RGL3: variants seen among roughly 807,000 people sequenced by gnomAD.
RGL3 encodes the protein ral guanine nucleotide dissociation stimulator-like 3.
Under a neutral mutation model 90.6 loss-of-function variants are expected in RGL3, and 85 were observed. The observed-to-expected ratio is 0.94, with a 90% CI of 0.79 to 1.12. RGL3 has a LOEUF of 1.12. Among genes scored for constraint, RGL3 ranks in the 50% most tolerant of loss-of-function variants. The pLI is 0.00. For missense variants in RGL3, 1,034 were observed against 939.2 expected (o/e 1.10, Z -1.32); for synonymous variants, 408 against 385.5 (o/e 1.06, Z -0.68).
intron 13 of RGL3, among the ~76,000 whole-genome samples, chr19:11,401,680 T>C (rs535803456): frequency 6.6e-6 from 1 of 151,626 alleles, no homozygotes; most frequent in East Asian, 1.9e-4. Context: ...GGATTACAGG[T>C]GTGAGCCACC....
chr19:11,417,872 T>C (rs1490402874), intron 2 of RGL3, among the ~76,000 whole-genome samples: 1 of 152,172 alleles, frequency 6.6e-6, no homozygotes, highest in African/African-American at 2.4e-5. Context: ...TTGCCCAGGC[T>C]GGGGTGCAGT....
chr19:11,398,358 T>C (rs1183773928), intron 16 of RGL3, among the ~76,000 whole-genome samples: 1 of 152,136 alleles, frequency 6.6e-6, no homozygotes, highest in East Asian at 1.9e-4. Flanking sequence ...CTTTTCTTTT[T>C]TTTTTGAGAC....
At chr19:11,399,575 T>C (rs968556432) in intron 16 of RGL3, among the ~76,000 whole-genome samples, 2 of 151,792 alleles carry the variant, frequency 1.3e-5, no homozygotes, top group Non-Finnish European at 2.9e-5. Context: ...CTGTTTCAAA[T>C]AAAAAGGGGT....
intron 9 of RGL3, 70 bp from the exon 10 acceptor site, chr19:11,402,776 G>T: frequency 7.5e-7 from 1 of 1,335,826 alleles, no homozygotes; most frequent in Non-Finnish European, 1.1e-6. Context: ...GATGCCTGCA[G>T]ACCCATCATA....
chr19:11,408,374 G>C (rs1968817499), intron 5 of RGL3, among the ~76,000 whole-genome samples: 2 of 152,160 alleles, frequency 1.3e-5, no homozygotes, highest in Non-Finnish European at 1.5e-5. Context: ...CTGAGGTCAG[G>C]AGTTCGAGAC....
At chr19:11,405,000 C>A in intron 9 of RGL3, 147 bp downstream of exon 9, 2 of 700,088 alleles carry the variant, frequency 2.9e-6, no homozygotes, top group Non-Finnish European at 5.0e-6. Context: ...AACGTGCAAC[C>A]CGCCAGGGAC....
chr19:11,398,178 C>T (rs1392609175), intron 16 of RGL3, among the ~76,000 whole-genome samples: 2 of 152,188 alleles, frequency 1.3e-5, no homozygotes, highest in East Asian at 1.9e-4. Context: ...CAGACATGAA[C>T]AGTGTCCATA....
Position 11,394,271 on chromosome 19 carries a change from A to G in RGL3, c.*131T>C, listed in dbSNP as rs562606590. 132 of 729,188 alleles carry G rather than the reference A, an allele frequency of 1.8e-4. No individual in the cohort carries two copies. The African/African-American group carries it at 2.1e-3, about 11-fold the overall frequency. The allele number at this position is 729,188 out of a possible 1,614,324, so 45.2% of individuals were successfully genotyped here. Reference sequence around the variant, plus strand: ...GAGTCAGAAAAAGAGATGGGGTCCAATGGGCTACAGTTGGGTGGTGGTCCT... The same window carrying G: ...GAGTCAGAAAAAGAGATGGGGTCCAGTGGGCTACAGTTGGGTGGTGGTCCT... On this transcript the variant is annotated 3_prime_UTR_variant, in exon 19 of 19. Coordinates refer to ENST00000380456, the MANE Select transcript of RGL3 (RefSeq NM_001035223.4).
intron 5 of RGL3, among the ~76,000 whole-genome samples, chr19:11,415,459 C>CTAA: frequency 6.6e-6 from 1 of 152,178 alleles, no homozygotes; most frequent in Middle Eastern, 3.4e-3. Context: ...TAGACACATG[C>CTAA]TAATACTTCA....
intron 18 of RGL3, 186 bp from the exon 19 acceptor site, chr19:11,394,706 C>T (rs1568333590): frequency 2.1e-5 from 12 of 574,214 alleles, no homozygotes; most frequent in Middle Eastern, 4.6e-4. Flanking sequence ...TGAAAACTTG[C>T]ACCACCTCAT....
At chr19:11,408,355 G>A (rs1968817146) in intron 5 of RGL3, among the ~76,000 whole-genome samples, 1 of 152,202 alleles carries the variant, frequency 6.6e-6, no homozygotes, top group African/African-American at 2.4e-5. Flanking sequence ...GCCGAGGCGG[G>A]TGGATCACCT....
intron 12 of RGL3, 41 bp from the exon 13 acceptor site, chr19:11,402,173 C>A: frequency 4.4e-6 from 7 of 1,608,234 alleles, no homozygotes; most frequent in Non-Finnish European, 6.0e-6. Flanking sequence ...TGCCCCACCC[C>A]CACCCTCAGG....
chr19:11,395,058 A>G (rs1440598792), intron 18 of RGL3, among the ~76,000 whole-genome samples: 1 of 148,918 alleles, frequency 6.7e-6, no homozygotes, highest in East Asian at 2.0e-4. Context: ...CTGCCATTGC[A>G]CTCCAGCCTG....
At chr19:11,415,480 T>A (rs115940423) in intron 5 of RGL3, among the ~76,000 whole-genome samples, 370 of 152,132 alleles carry the variant, frequency 2.4e-3, no homozygotes, top group African/African-American at 8.5e-3. Flanking sequence ...GACAAAGAAT[T>A]TGTTTTTTTT....
chr19:11,416,220 T>A, intron 4 of RGL3, 72 bp from the exon 5 acceptor site: 7 of 521,230 alleles, frequency 1.3e-5, no homozygotes, highest in South Asian at 6.0e-5. Flanking sequence ...TGGTACCTTT[T>A]TTTTTTTTTT....
At chr19:11,402,811 C>A (rs1568337170) in intron 9 of RGL3, 105 bp from the exon 10 acceptor site, 3 of 1,029,934 alleles carry the variant, frequency 2.9e-6, no homozygotes, top group East Asian at 4.9e-5. Context: ...TTTGAGTAAT[C>A]AAAAGTCAGT....
At chr19:11,407,075 T>C (rs897655598) in intron 5 of RGL3, 4 of 473,376 alleles carry the variant, frequency 8.4e-6, no homozygotes, top group African/African-American at 6.0e-5. Flanking sequence ...AACCTCCGCC[T>C]CCTGGGTTCA....
chr19:11,400,649 C>T lies in RGL3; in HGVS notation c.1485-352G>A, dbSNP rs956923918. ...AGAGGATTGCTTCGGGTCAAGAGTT[C>T]GAAACCAGCCTGGCCAATATAGTGA... is the stretch of plus-strand genomic sequence containing the variant. On this transcript the variant is annotated intron_variant, in intron 13 of 18. Transcript: ENST00000380456. Among the ~76,000 whole-genome samples the T allele has an allele frequency of 7.9e-5, 12 of 151,566 alleles. No homozygotes were observed. In the East Asian group the frequency reaches 9.7e-4, roughly 12 times the overall value.
At chr19:11,409,391 G>A (rs2144731697) in intron 5 of RGL3, among the ~76,000 whole-genome samples, 1 of 152,222 alleles carries the variant, frequency 6.6e-6, no homozygotes, top group Middle Eastern at 3.4e-3. Flanking sequence ...TGAGGCAGGA[G>A]AATGGCGTGA....
Sources: allele counts gnomAD v4.1 joint callset (sites outside exome capture counted in the v4.1 genomes callset), GRCh38; gene constraint gnomAD v4.1.1; transcripts MANE v1.5; gene names NCBI Gene and HGNC (gene_info 2026-07-23, HGNC 2026-07-21).